Variants in EDRF1 observed in about 807,000 individuals in gnomAD.
EDRF1 encodes erythroid differentiation-related factor 1.
A neutral mutation model predicts 148.7 loss-of-function variants in EDRF1; 69 were observed. That is an observed-to-expected ratio of 0.46 (90% CI 0.38 to 0.57). The LOEUF (loss-of-function observed/expected upper bound fraction) is 0.57. Among genes scored for constraint, EDRF1 ranks in the 20% least tolerant of loss-of-function variants. The pLI is 0.00. For missense variants in EDRF1, 1,118 were observed against 1,478.7 expected (o/e 0.76, Z 4.00); for synonymous variants, 515 against 532.8 (o/e 0.97, Z 0.46).
chr10:125,760,491 AT>A (rs1247939139), intron 24 of EDRF1, among the ~76,000 whole-genome samples: 1 of 152,198 alleles, frequency 6.6e-6, no homozygotes, highest in Admixed American at 6.5e-5. Flanking sequence ...GCTAATTTAT[AT>A]TGATTTTAAG....
chr10:125,735,087 T>A (rs998425018), intron 12 of EDRF1, among the ~76,000 whole-genome samples: 19 of 152,168 alleles, frequency 1.2e-4, no homozygotes, highest in African/African-American at 4.6e-4. Context: ...TGTTAAAGAC[T>A]ATTGTCTGTG....
chr10:125,763,583 G>A lies in EDRF1; in HGVS notation c.*111G>A, dbSNP rs1305240882. 1 of 1,212,424 alleles carries A rather than the reference G, an allele frequency of 8.2e-7. No individual in the cohort carries two copies. The highest frequency in any genetic ancestry group is 1.5e-5 in the African/African-American group (1 of 66,260). The allele number at this position is 1,212,424 out of a possible 1,614,324, so 75.1% of individuals were successfully genotyped here. ...ATAGGGAAATATCCATTTAAAACAG[G>A]TATATCAGTGGAAACACAGAGTTAT... On this transcript the variant is annotated 3_prime_UTR_variant, in exon 25 of 25. Coordinates refer to ENST00000356792, the MANE Select transcript of EDRF1 (RefSeq NM_001202438.2). This position sits in a 1 kb window ranked among gnomAD's most constrained non-coding sequence, Gnocchi z 4.3.
Position 125,740,987 on chromosome 10 carries a change from C to T in EDRF1, c.2171-14C>T. 1 of 1,613,190 alleles carries T rather than the reference C, an allele frequency of 6.2e-7. No individual in the cohort carries two copies. The highest frequency in any genetic ancestry group is 8.5e-7 in the Non-Finnish European group (1 of 1,179,498). On this transcript the variant is annotated splice_polypyrimidine_tract_variant and intron_variant, in intron 16 of 24. Transcript: ENST00000356792. ...GCATTTGTGTTTTTTCTTCTTCCCT[C>T]CCTTTCTAAACAGATACTTATTGCT... is the stretch of plus-strand genomic sequence containing the variant.
chr10:125,746,762 A>G (rs1849377111), intron 19 of EDRF1: 1 of 152,218 alleles, frequency 6.6e-6, no homozygotes, highest in Non-Finnish European at 1.5e-5. Flanking sequence ...TTGGCATTAT[A>G]ATATTTTTAG....
At position 125,747,994 on chromosome 10, in the gene EDRF1, C is replaced by G; in HGVS notation, c.3105C>G (p.His1035Gln). 1.2e-6 allele frequency: 2 copies of G among 1,614,218 alleles called. No homozygotes were observed. Among genetic ancestry groups the G allele is most frequent in the Middle Eastern group, 1.6e-4 (1 of 6,062 alleles). The part of the protein sequence containing the change: ...TIHHRLASMY[H>Q]SCLRNQVGDE... ...ATCACAGGCTGGCCTCCATGTACCACAGCTGTCTGAGGAATCAGGTATTGT... is the reference window on the plus strand; with the variant it reads ...ATCACAGGCTGGCCTCCATGTACCAGAGCTGTCTGAGGAATCAGGTATTGT... The change falls in exon 21 of 25, where the codon CAC becomes CAG. Residue 1035 changes from histidine (H) to glutamine (Q), a missense_variant. Transcript: ENST00000356792.
At chr10:125,741,232 C>A in intron 17 of EDRF1, 31 bp downstream of exon 17, 1 of 1,594,428 alleles carries the variant, frequency 6.3e-7, no homozygotes, top group Non-Finnish European at 8.6e-7. Flanking sequence ...ACGTGGTTCA[C>A]AGTGGGACTG....
intron 9 of EDRF1, 140 bp from the exon 10 acceptor site, chr10:125,733,264 A>G: frequency 1.5e-6 from 1 of 648,076 alleles, no homozygotes; most frequent in Non-Finnish European, 2.6e-6. Flanking sequence ...AAAAAAGATT[A>G]AAAACCACTG....
rs765870614 is a variant in EDRF1, at chr10:125,737,890, A to G, written c.1759-28A>G. 3.1e-6 allele frequency: 5 copies of G among 1,602,860 alleles called. No homozygotes were observed. In the Middle Eastern group the frequency reaches 5.0e-4, roughly 159 times the overall value. ...GTTGACCTTAATACATTGGTAGTGT[A>G]TTAATAATTTTATGTTTGTTCCTCA... On this transcript the variant is annotated intron_variant, in intron 13 of 24. Coordinates refer to ENST00000356792, the MANE Select transcript of EDRF1 (RefSeq NM_001202438.2).
chr10:125,749,914 GC>G, intron 22 of EDRF1: 8 of 345,058 alleles, frequency 2.3e-5, no homozygotes, highest in Non-Finnish European at 3.9e-5. Context: ...GCTGAGGCAG[GC>G]AGATCACCTG....
chr10:125,743,892 G>C (rs1350775442), intron 18 of EDRF1, among the ~76,000 whole-genome samples: 2 of 152,180 alleles, frequency 1.3e-5, no homozygotes, highest in African/African-American at 4.8e-5. Context: ...TAGTGGGTAA[G>C]TAAGATGTGG....
chr10:125,747,435 T>C, intron 19 of EDRF1, 101 bp from the exon 20 acceptor site: 1 of 1,287,216 alleles, frequency 7.8e-7, no homozygotes, highest in South Asian at 1.2e-5. Context: ...ATCCCAAAAT[T>C]AAATTAACAT....
intron 17 of EDRF1, 52 bp downstream of exon 17, chr10:125,741,253 C>T: frequency 1.3e-6 from 2 of 1,487,944 alleles, no homozygotes. Flanking sequence ...TGCAGTCTAG[C>T]TCATGCTTAT....
intron 13 of EDRF1, 57 bp from the exon 14 acceptor site, chr10:125,737,861 A>G (rs3740181): frequency 0.73 from 1,102,071 of 1,507,000 alleles, 413,033 homozygotes; most frequent in East Asian, 0.78. Context: ...AACAAAAACA[A>G]TATGTTGACC....
At position 125,723,120 on chromosome 10, in the gene EDRF1, G is replaced by C; in HGVS notation, c.370G>C (p.Val124Leu). Residue 124 changes from valine to leucine, a missense_variant, in exon 3 of 25, where the codon GTC (valine) becomes CTC (leucine). By Grantham distance (32) the Val-to-Leu change is conservative. Transcript: ENST00000356792. ...IDSVGNDVDV[V>L]SDSENIKKLL... The stretch of plus-strand genomic sequence containing the variant: ...TTCAGTGGGAAATGATGTGGATGTT[G>C]TCTCTGACTCTGAAGTAAGTGTTAT... 1.2e-6 allele frequency: 2 copies of C among 1,613,720 alleles called. No homozygotes were observed. Among genetic ancestry groups the C allele is most frequent in the Non-Finnish European group, 1.7e-6 (2 of 1,179,748 alleles).
intron 22 of EDRF1, among the ~76,000 whole-genome samples, chr10:125,750,730 TA>T (rs1449684501): frequency 1.3e-5 from 2 of 152,242 alleles, no homozygotes; most frequent in East Asian, 3.8e-4. Context: ...ATTACCTATC[TA>T]AAACAGTTTC....
chr10:125,763,787 A>G lies in EDRF1; in HGVS notation c.*315A>G. 2.5e-6 allele frequency: 1 copy of G among 398,394 alleles called. No homozygotes were observed. Among genetic ancestry groups the G allele is most frequent in the South Asian group, 2.3e-5 (1 of 42,792 alleles). 24.7% of individuals were successfully genotyped at this position (398,394 alleles called of 1,614,324 possible). ...ACGTATTTTTGAAGTATGTCAAGCT[A>G]CACGGGTCTAAGATATGATTATTTT... On this transcript the variant is annotated 3_prime_UTR_variant, in exon 25 of 25. Coordinates refer to ENST00000356792, the MANE Select transcript of EDRF1 (RefSeq NM_001202438.2). The surrounding 1 kb of genome is among the most constrained non-coding windows in gnomAD (Gnocchi z 4.3).
At chr10:125,729,502 C>T (rs373257555) in intron 8 of EDRF1, 23 bp downstream of exon 8, 6 of 1,613,962 alleles carry the variant, frequency 3.7e-6, no homozygotes, top group Non-Finnish European at 4.2e-6. Flanking sequence ...CATACCCCTC[C>T]TCAAGCTTAT....
At chr10:125,723,444 A>G (rs1355546974) in intron 3 of EDRF1, among the ~76,000 whole-genome samples, 2 of 152,232 alleles carry the variant, frequency 1.3e-5, no homozygotes, top group Non-Finnish European at 2.9e-5. Flanking sequence ...ATATGTTACC[A>G]GTTGAGTTAC....
intron 2 of EDRF1, among the ~76,000 whole-genome samples, chr10:125,722,660 CAG>C (rs1341410115): frequency 6.6e-6 from 1 of 152,048 alleles, no homozygotes; most frequent in Non-Finnish European, 1.5e-5. Context: ...AACACAATCT[CAG>C]AAAGTAAAAT....
Sources: allele counts gnomAD v4.1 joint callset (sites outside exome capture counted in the v4.1 genomes callset), GRCh38; gene constraint gnomAD v4.1.1; non-coding constraint Gnocchi (gnomAD v3.1); transcripts MANE v1.5; gene names NCBI Gene and HGNC (gene_info 2026-07-23, HGNC 2026-07-21).